Variants in COLGALT2 observed in about 807,000 individuals in gnomAD.
COLGALT2 encodes the protein procollagen galactosyltransferase 2.
In COLGALT2, 49 loss-of-function variants were observed where a neutral mutation model predicts 73.4. That is an observed-to-expected ratio of 0.67 (90% CI 0.53 to 0.85). COLGALT2 has a LOEUF of 0.85. Among genes scored for constraint, COLGALT2 ranks in the 40% least tolerant of loss-of-function variants. The pLI, the probability that COLGALT2 is intolerant of heterozygous loss-of-function variation, is 0.00. For missense variants in COLGALT2, 722 were observed against 790.2 expected, an observed-to-expected ratio of 0.91 and a Z score of 1.03; for synonymous variants, 295 against 307.6, an observed-to-expected ratio of 0.96 and a Z score of 0.43.
intron 1 of COLGALT2, among the ~76,000 whole-genome samples, chr1:183,996,438 A>G (rs1005140816): frequency 1.3e-5 from 2 of 152,252 alleles, no homozygotes; most frequent in Admixed American, 1.3e-4. Flanking sequence ...GACTGATAAG[A>G]CAAAATGGAC....
chr1:183,958,343 C>T (rs991927699), intron 6 of COLGALT2, among the ~76,000 whole-genome samples: 1 of 152,102 alleles, frequency 6.6e-6, no homozygotes. Flanking sequence ...AAACCCATTG[C>T]CCACTTACTC....
chr1:184,035,607 T>G (rs992555059), intron 1 of COLGALT2, among the ~76,000 whole-genome samples: 1 of 152,212 alleles, frequency 6.6e-6, no homozygotes, highest in Non-Finnish European at 1.5e-5. Flanking sequence ...GCAAAGCATG[T>G]GCCTGACACC....
intron 1 of COLGALT2, among the ~76,000 whole-genome samples, chr1:184,021,006 C>T (rs10797933): frequency 0.29 from 44,267 of 151,700 alleles, 7,683 homozygotes; most frequent in African/African-American, 0.48. Context: ...ACTGAAGTGC[C>T]GTTTATAATC....
At chr1:184,004,962 G>A (rs2102841947) in intron 1 of COLGALT2, among the ~76,000 whole-genome samples, 1 of 152,242 alleles carries the variant, frequency 6.6e-6, no homozygotes, top group Middle Eastern at 3.4e-3. Context: ...AAAACCATTG[G>A]GAATAATTAA....
rs769313060 is a variant in COLGALT2 at position 183,940,627 on chromosome 1, G to T, written c.1558C>A (p.Leu520Met). The change falls in exon 11 of 12, where the codon CTG becomes ATG. Residue 520 changes from leucine (L) to methionine (M), a missense_variant. Coordinates refer to ENST00000361927, the MANE Select transcript of COLGALT2 (RefSeq NM_015101.4). The stretch of plus-strand genomic sequence containing the variant: ...ACTGGCAGAAACTCATCCACTGGCA[G>T]CATCTTCCCAAAAGGATTGGCTCCA... ...LVGANPFGKM[L>M]PVDEFLPVMY... The T allele has an allele frequency of 1.2e-6, 2 of 1,614,118 alleles. No individual in the cohort carries two copies. Among genetic ancestry groups the T allele is most frequent in the African/African-American group, 2.7e-5 (2 of 74,950 alleles).
chr1:183,932,388 T>C (rs1669865807), downstream of COLGALT2, among the ~76,000 whole-genome samples: 1 of 151,918 alleles, frequency 6.6e-6, no homozygotes, highest in South Asian at 2.1e-4. Flanking sequence ...CGGTTCACTT[T>C]GGTGCATGAT....
chr1:183,958,292 A>G (rs1670606887), intron 6 of COLGALT2, among the ~76,000 whole-genome samples: 1 of 152,166 alleles, frequency 6.6e-6, no homozygotes, highest in Non-Finnish European at 1.5e-5. Flanking sequence ...AAGATTTTCA[A>G]TTCTCGTCCA....
At chr1:183,941,292 C>A (rs557529794) in intron 10 of COLGALT2, among the ~76,000 whole-genome samples, 254 of 152,294 alleles carry the variant, frequency 1.7e-3, no homozygotes, top group African/African-American at 5.7e-3. Flanking sequence ...GTTCTGGGAA[C>A]CCAAGAGTGG....
At chr1:183,953,795 C>T (rs1670477320) in intron 7 of COLGALT2, among the ~76,000 whole-genome samples, 1 of 152,180 alleles carries the variant, frequency 6.6e-6, no homozygotes, top group Admixed American at 6.5e-5. Flanking sequence ...TGAAGTATAG[C>T]TCCAAATCAG....
chr1:184,028,185 G>T (rs1649388018), intron 1 of COLGALT2, among the ~76,000 whole-genome samples: 1 of 152,184 alleles, frequency 6.6e-6, no homozygotes, highest in South Asian at 2.1e-4. Context: ...TCCGTGTCGG[G>T]AATGCTATGG....
At chr1:184,027,830 A>T (rs1243308748) in intron 1 of COLGALT2, among the ~76,000 whole-genome samples, 2 of 152,250 alleles carry the variant, frequency 1.3e-5, no homozygotes, top group Non-Finnish European at 2.9e-5. Flanking sequence ...GGCAGAGAAG[A>T]GGCTTGTACT....
chr1:183,959,685 T>C (rs1223486429), intron 6 of COLGALT2, among the ~76,000 whole-genome samples: 1 of 152,004 alleles, frequency 6.6e-6, no homozygotes, highest in Non-Finnish European at 1.5e-5. Context: ...AAATGATCCT[T>C]CTAAATGCAC....
Position 183,945,551 on chromosome 1 carries a change from T to C in COLGALT2, c.1150A>G (p.Ser384Gly), listed in dbSNP as rs1394154048. ...EAVDGKALNTSQLKALNIEML... is the reference protein window; with the variant it reads ...EAVDGKALNTGQLKALNIEML... ...TCAATATTCAGTGCCTTCAGCTGGC[T>C]TGTGTTGAGTGCCCTGCATCACATA... The change falls in exon 9 of 12, where the codon AGC becomes GGC. Residue 384 changes from serine to glycine, a missense_variant. By Grantham distance (56) the Ser-to-Gly change is moderately conservative (BLOSUM62 0). Transcript: ENST00000361927. 7 of 1,614,062 alleles carry C rather than the reference T, an allele frequency of 4.3e-6. No individual in the cohort carries two copies. The highest frequency in any genetic ancestry group is 5.1e-6 in the Non-Finnish European group (6 of 1,180,028).
Position 183,977,841 on chromosome 1 carries a change from G to GAGAGAGAGAA in COLGALT2, c.374+568_374+569insTTCTCTCTCT, listed in dbSNP as rs1558322952. On this transcript the variant is annotated intron_variant, in intron 2 of 11. Coordinates refer to ENST00000361927, the MANE Select transcript of COLGALT2 (RefSeq NM_015101.4). Reference sequence around the variant, plus strand: ...GAGAGAGAGAGAGAGAGAGAAAGAAGAGAAGAGAAGCGAAGAAAAGAAAAG... The same window carrying GAGAGAGAGAA: ...GAGAGAGAGAGAGAGAGAGAAAGAAGAGAGAGAGAAAGAAGAGAAGCGAAGAAAAGAAAAG... Among the ~76,000 whole-genome samples, 300 of 133,492 alleles carry GAGAGAGAGAA rather than the reference G, an allele frequency of 2.2e-3. 3 individuals are homozygous for GAGAGAGAGAA. The highest frequency in any genetic ancestry group is 8.6e-3 in the African/African-American group (281 of 32,532). The allele number at this position is 133,492 out of a possible 152,430, so 87.6% of individuals were successfully genotyped here.
intron 1 of COLGALT2, among the ~76,000 whole-genome samples, chr1:183,978,981 C>G (rs532540138): frequency 9.9e-5 from 15 of 152,178 alleles, no homozygotes; most frequent in Non-Finnish European, 1.2e-4. Flanking sequence ...ATTTTCTGAC[C>G]GCAGCAAAAT....
intron 7 of COLGALT2, among the ~76,000 whole-genome samples, chr1:183,953,409 C>T (rs1426224391): frequency 1.3e-5 from 2 of 152,174 alleles, no homozygotes; most frequent in African/African-American, 2.4e-5. Flanking sequence ...GTCCTTACAC[C>T]GTGTCCTGCC....
At chr1:184,019,495 A>G (rs1217641605) in intron 1 of COLGALT2, among the ~76,000 whole-genome samples, 4 of 152,200 alleles carry the variant, frequency 2.6e-5, no homozygotes, top group African/African-American at 4.8e-5. Flanking sequence ...TAAATAGAAA[A>G]TAAATATTCA....
chr1:183,978,258 A>C (rs1234951582), intron 2 of COLGALT2, 152 bp downstream of exon 2: 1 of 516,162 alleles, frequency 1.9e-6, no homozygotes, highest in Non-Finnish European at 3.4e-6. Flanking sequence ...AGATCTCTAA[A>C]AGGGAGAAAT....
At chr1:183,983,211 G>T (rs1348032397) in intron 1 of COLGALT2, among the ~76,000 whole-genome samples, 1 of 152,188 alleles carries the variant, frequency 6.6e-6, no homozygotes, top group African/African-American at 2.4e-5. Flanking sequence ...GGAGAGAGGT[G>T]CATGAATCCT....
Sources: allele counts gnomAD v4.1 joint callset (sites outside exome capture counted in the v4.1 genomes callset), GRCh38; gene constraint gnomAD v4.1.1; transcripts MANE v1.5; gene names NCBI Gene and HGNC (gene_info 2026-07-23, HGNC 2026-07-21).